The following ALKBH3 variants were observed in gnomAD, a reference collection of about 807,000 sequenced individuals.
ALKBH3 encodes alkB homolog 3, alpha-ketoglutarate dependent dioxygenase.
ALKBH3 carries 51 observed loss-of-function variants against 43.9 expected under a neutral mutation model. The ratio of observed to expected loss-of-function variants is 1.16; its 90% CI spans 0.93 to 1.47. The LOEUF is 1.47. ALKBH3 is among the 40% of genes most tolerant of loss of function. The pLI is 0.00. For synonymous variants in ALKBH3, 102 were observed against 115.2 expected (o/e 0.89, Z 0.73); for missense variants, 361 against 351.9 (o/e 1.03, Z -0.21).
intron 3 of ALKBH3, 68 bp downstream of exon 3, chr11:43,883,256 ACACT>A (rs1400663371): frequency 1.8e-6 from 2 of 1,084,142 alleles, no homozygotes; most frequent in African/African-American, 1.6e-5. Context: ...CACACAGTAG[ACACT>A]CAAATAAATA....
chr11:43,883,320 TGAAATGA>T, intron 3 of ALKBH3, 132 bp downstream of exon 3: 1 of 626,572 alleles, frequency 1.6e-6, no homozygotes, highest in Non-Finnish European at 2.7e-6. Context: ...ATAATAATAA[TGAAATGA>T]GAAATATTTC....
intron 5 of ALKBH3, among the ~76,000 whole-genome samples, chr11:43,886,974 G>A (rs911892415): frequency 4.6e-5 from 7 of 152,020 alleles, no homozygotes; most frequent in African/African-American, 1.7e-4. Flanking sequence ...GTGGGAGGAG[G>A]GAGAGGAACA....
intron 6 of ALKBH3, 50 bp from the exon 7 acceptor site, chr11:43,891,991 C>T: frequency 6.9e-7 from 1 of 1,448,558 alleles, no homozygotes; most frequent in Non-Finnish European, 9.7e-7. Context: ...TCAGTAGTAA[C>T]ACCTTAAATA....
intron 5 of ALKBH3, among the ~76,000 whole-genome samples, 187 bp from the exon 6 acceptor site, chr11:43,889,535 AAGG>A (rs1476034818): frequency 2.0e-5 from 3 of 152,126 alleles, no homozygotes; most frequent in Non-Finnish European, 4.4e-5. Context: ...CCCAACATGA[AAGG>A]AGTTTATTTT....
chr11:43,895,425 C>G (rs1159020771), intron 7 of ALKBH3, among the ~76,000 whole-genome samples: 2 of 152,196 alleles, frequency 1.3e-5, no homozygotes, highest in Non-Finnish European at 2.9e-5. Context: ...TAAGATGTGA[C>G]TTTGCTCCTC....
In ALKBH3 at chr11:43,903,213, C is replaced by G. The variant is rs184858896; in HGVS notation, c.669+1488C>G. Reference sequence around the variant, plus strand: ...AACTTGCTCTCTAAGCCTTCAGTTACATTGGCAAGCAGCCTTCTCATATAC... The same window carrying G: ...AACTTGCTCTCTAAGCCTTCAGTTAGATTGGCAAGCAGCCTTCTCATATAC... On this transcript the variant is annotated intron_variant, in intron 8 of 9. Coordinates refer to ENST00000302708, the MANE Select transcript of ALKBH3 (RefSeq NM_139178.4). 2.0e-4 allele frequency among the ~76,000 whole-genome samples: 31 copies of G among 152,282 alleles called. No homozygotes were observed. In the East Asian group the frequency reaches 5.2e-3, roughly 26 times the overall value.
intron 5 of ALKBH3, among the ~76,000 whole-genome samples, chr11:43,887,593 G>A (rs1951755134): frequency 6.6e-6 from 1 of 152,130 alleles, no homozygotes; most frequent in Admixed American, 6.5e-5. Context: ...GGGATTACAG[G>A]TGTGAGCCAC....
At chr11:43,893,917 TG>T (rs1351112035) in intron 7 of ALKBH3, among the ~76,000 whole-genome samples, 2 of 152,224 alleles carry the variant, frequency 1.3e-5, no homozygotes, top group African/African-American at 4.8e-5. Context: ...GGTCTTGTTA[TG>T]TTGCCCAGGC....
intron 8 of ALKBH3, chr11:43,918,810 C>T (rs775134759): frequency 3.6e-5 from 18 of 500,412 alleles, no homozygotes; most frequent in Admixed American, 7.2e-5. Flanking sequence ...CACCATAGCC[C>T]TAGGTGGCAG....
chr11:43,892,932 A>T (rs1951794047), intron 7 of ALKBH3, among the ~76,000 whole-genome samples: 1 of 152,230 alleles, frequency 6.6e-6, no homozygotes, highest in African/African-American at 2.4e-5. Flanking sequence ...ACGTAAGGAG[A>T]TAGCTGCATG....
intron 7 of ALKBH3, among the ~76,000 whole-genome samples, chr11:43,895,265 C>T (rs575435911): frequency 6.6e-6 from 1 of 152,272 alleles, no homozygotes. Context: ...GTAATAATCC[C>T]CGTGTATCAA....
intron 7 of ALKBH3, chr11:43,898,933 A>C (rs191646185): frequency 1.6e-5 from 12 of 746,426 alleles, no homozygotes; most frequent in East Asian, 9.9e-5. Context: ...CTGGTCCCCA[A>C]ATCTCTCTAC....
At chr11:43,898,758 G>A in intron 7 of ALKBH3, 6 of 739,350 alleles carry the variant, frequency 8.1e-6, no homozygotes, top group Non-Finnish European at 1.3e-5. Flanking sequence ...TATTTCCTGT[G>A]CTCTGGACGC....
At chr11:43,903,897 T>C (rs552877182) in intron 8 of ALKBH3, among the ~76,000 whole-genome samples, 1 of 152,294 alleles carries the variant, frequency 6.6e-6, no homozygotes, top group African/African-American at 2.4e-5. Context: ...TCTTCTCCCC[T>C]CCAGAGAGCT....
chr11:43,892,863 GC>G (rs34419217), intron 7 of ALKBH3, among the ~76,000 whole-genome samples: 27,643 of 152,210 alleles, frequency 0.18, 2,834 homozygotes, highest in Non-Finnish European at 0.25. Flanking sequence ...GTAATTGCAA[GC>G]TACCACTTTA....
intron 8 of ALKBH3, among the ~76,000 whole-genome samples, chr11:43,906,023 A>C (rs1951893707): frequency 6.6e-6 from 1 of 152,198 alleles, no homozygotes; most frequent in African/African-American, 2.4e-5. Context: ...TTTTCTAGCA[A>C]ATTACCTCTG....
chr11:43,882,068 A>G lies in ALKBH3; in HGVS notation c.-70-515A>G, dbSNP rs573732797. On this transcript the variant is annotated intron_variant, in intron 1 of 9. Coordinates refer to ENST00000302708, the MANE Select transcript of ALKBH3 (RefSeq NM_139178.4). ...CTTTACCGTCCACATACATACCTGC[A>G]TTGTGTCAAATCTTACACTGCTTGT... 7.2e-5 allele frequency among the ~76,000 whole-genome samples: 11 copies of G among 152,330 alleles called. No individual in the cohort carries two copies. In the South Asian group the frequency reaches 2.1e-3, roughly 29 times the overall value.
intron 6 of ALKBH3, among the ~76,000 whole-genome samples, chr11:43,891,799 A>C (rs767905518): frequency 6.6e-6 from 1 of 152,194 alleles, no homozygotes; most frequent in Non-Finnish European, 1.5e-5. Context: ...AATACAAGCA[A>C]GTCACCCACA....
chr11:43,898,533 C>T, intron 7 of ALKBH3: 3 of 818,450 alleles, frequency 3.7e-6, no homozygotes, highest in Non-Finnish European at 6.5e-6. Context: ...GATACGTTCT[C>T]TCCATAAATG....
Sources: gnomAD v4.1 joint callset for allele counts (sites outside exome capture counted in the v4.1 genomes callset) on GRCh38, gnomAD v4.1.1 for gene constraint, MANE v1.5 for transcripts, NCBI Gene and HGNC (gene_info 2026-07-23, HGNC 2026-07-21) for gene names.